MAP3K20: variants seen among roughly 807,000 people sequenced by gnomAD.
The protein encoded by MAP3K20 is HCCS-4.
Under a neutral mutation model 85.7 loss-of-function variants are expected in MAP3K20, and 40 were observed. The observed-to-expected ratio is 0.47, with a 90% CI of 0.36 to 0.61. MAP3K20 has a LOEUF of 0.61. Ranked by LOEUF, MAP3K20 falls within the 20% of genes least tolerant of loss-of-function variation. MAP3K20 has a pLI of 0.00. For synonymous variants in MAP3K20, 325 were observed against 327.7 expected, an observed-to-expected ratio of 0.99 and a Z score of 0.09; for missense variants, 817 against 961.7, an observed-to-expected ratio of 0.85 and a Z score of 1.99.
intron 10 of MAP3K20, among the ~76,000 whole-genome samples, chr2:173,216,793 A>G (rs1373571339): frequency 6.6e-6 from 1 of 152,220 alleles, no homozygotes; most frequent in Non-Finnish European, 1.5e-5. Flanking sequence ...GAGATCATAT[A>G]TAACATCACT....
At chr2:173,086,486 CT>C (rs1687150142) in intron 1 of MAP3K20, among the ~76,000 whole-genome samples, 1 of 152,170 alleles carries the variant, frequency 6.6e-6, no homozygotes. Context: ...CTCACATACC[CT>C]AGATTACTAG....
At chr2:173,196,006 G>A (rs1690821892) in intron 7 of MAP3K20, among the ~76,000 whole-genome samples, 1 of 152,092 alleles carries the variant, frequency 6.6e-6, no homozygotes, top group Non-Finnish European at 1.5e-5. Flanking sequence ...TGTTTTTCTG[G>A]TGTTGTCCCC....
intron 2 of MAP3K20, among the ~76,000 whole-genome samples, chr2:173,137,066 C>T (rs1688818398): frequency 1.3e-5 from 2 of 152,224 alleles, no homozygotes; most frequent in Admixed American, 6.5e-5. Flanking sequence ...CTCAATTTCT[C>T]TCCTGACCTA....
At chr2:173,125,798 G>A (rs1437452650) in intron 2 of MAP3K20, among the ~76,000 whole-genome samples, 2 of 152,062 alleles carry the variant, frequency 1.3e-5, no homozygotes, top group African/African-American at 4.8e-5. Context: ...GAGTAGCTGG[G>A]ACTAAAGATG....
chr2:173,136,211 G>A (rs1688795918), intron 2 of MAP3K20, among the ~76,000 whole-genome samples: 1 of 152,198 alleles, frequency 6.6e-6, no homozygotes, highest in Admixed American at 6.5e-5. Context: ...TAGAGTGGCA[G>A]TTTCTTTTTA....
chr2:173,172,183 A>G (rs1690017807), intron 3 of MAP3K20, among the ~76,000 whole-genome samples: 1 of 152,170 alleles, frequency 6.6e-6, no homozygotes. Context: ...TGAGGCAGTT[A>G]AGAGAGAAAC....
intron 9 of MAP3K20, among the ~76,000 whole-genome samples, chr2:173,207,988 T>C (rs1168874024): frequency 2.0e-5 from 3 of 152,204 alleles, no homozygotes; most frequent in South Asian, 4.1e-4. Context: ...TTCACCTTAT[T>C]TTAAGAATGA....
chr2:173,192,092 T>C (rs1574093661), intron 7 of MAP3K20, among the ~76,000 whole-genome samples: 1 of 121,908 alleles, frequency 8.2e-6, no homozygotes, highest in South Asian at 3.3e-4. Flanking sequence ...TATACTATTA[T>C]ACTGCCCTGC....
At chr2:173,203,753 A>C (rs1574105933) in intron 8 of MAP3K20, 43 bp from the exon 9 acceptor site, 2 of 1,463,762 alleles carry the variant, frequency 1.4e-6, no homozygotes, top group Non-Finnish European at 9.6e-7. Flanking sequence ...TTAATGAATA[A>C]ATCCCTGTTT....
chr2:173,093,974 C>G (rs953679138), intron 2 of MAP3K20, among the ~76,000 whole-genome samples: 5 of 123,062 alleles, frequency 4.1e-5, no homozygotes, highest in African/African-American at 9.7e-5. Flanking sequence ...GAACATCACA[C>G]TCTGGGGACT....
chr2:173,080,366 G>C (rs1686980445), intron 1 of MAP3K20, among the ~76,000 whole-genome samples: 1 of 152,190 alleles, frequency 6.6e-6, no homozygotes, highest in South Asian at 2.1e-4. Flanking sequence ...TCTGCTGCTA[G>C]AGCAGTCTGT....
Position 173,216,520 on chromosome 2 carries a change from T to A in MAP3K20, c.852-595T>A, listed in dbSNP as rs199977381. 5.8e-4 allele frequency among the ~76,000 whole-genome samples: 88 copies of A among 151,046 alleles called. 1 individual carries two copies. The highest frequency in any genetic ancestry group is 3.4e-3 in the Middle Eastern group (1 of 292). Reference sequence around the variant, plus strand: ...GCTGGGTTCTGGTGTGTTTTTTTTTTAAAAAACAAGTTGCCTATGTAAGTC... The same window carrying A: ...GCTGGGTTCTGGTGTGTTTTTTTTTAAAAAAACAAGTTGCCTATGTAAGTC... On this transcript the variant is annotated intron_variant, in intron 10 of 19. Coordinates refer to ENST00000375213, the MANE Select transcript of MAP3K20 (RefSeq NM_016653.3).
chr2:173,226,691 C>T, intron 11 of MAP3K20: 1 of 985,802 alleles, frequency 1.0e-6, no homozygotes, highest in Non-Finnish European at 1.2e-6. Context: ...GAGTTCCAAG[C>T]ACCTACATTA....
At chr2:173,224,973 T>C (rs1173694863) in intron 11 of MAP3K20, 19 of 840,760 alleles carry the variant, frequency 2.3e-5, no homozygotes, top group Non-Finnish European at 2.6e-5. Flanking sequence ...AAAATGTACA[T>C]TTAGAGGTTA....
intron 11 of MAP3K20, chr2:173,223,233 G>C (rs1684299032): frequency 2.0e-6 from 2 of 985,264 alleles, no homozygotes; most frequent in Non-Finnish European, 2.4e-6. Context: ...GATGAAGAAA[G>C]GGATCAGAGT....
intron 3 of MAP3K20, among the ~76,000 whole-genome samples, chr2:173,170,251 A>G (rs1689962305): frequency 1.3e-5 from 2 of 152,214 alleles, no homozygotes; most frequent in African/African-American, 4.8e-5. Context: ...TTCTTGAGCT[A>G]TTCATGTTGT....
chr2:173,115,393 T>C (rs537501737), intron 2 of MAP3K20, among the ~76,000 whole-genome samples: 1 of 152,340 alleles, frequency 6.6e-6, no homozygotes, highest in South Asian at 2.1e-4. Context: ...ATAACTAACG[T>C]CCTTAATTCT....
chr2:173,183,593 TTA>T (rs1690395259), intron 4 of MAP3K20, among the ~76,000 whole-genome samples: 1 of 152,116 alleles, frequency 6.6e-6, no homozygotes, highest in African/African-American at 2.4e-5. Context: ...TCATTTATTT[TTA>T]TCTTTTTTTT....
At chr2:173,249,668 A>G (rs1442638107) in intron 16 of MAP3K20, among the ~76,000 whole-genome samples, 1 of 152,240 alleles carries the variant, frequency 6.6e-6, no homozygotes, top group Admixed American at 6.5e-5. Flanking sequence ...ATCAACTTCT[A>G]TATTCGTTAA....
Sources: allele counts gnomAD v4.1 joint callset (sites outside exome capture counted in the v4.1 genomes callset), GRCh38; gene constraint gnomAD v4.1.1; transcripts MANE v1.5; gene names NCBI Gene and HGNC (gene_info 2026-07-23, HGNC 2026-07-21).